Variants in VIT observed in about 807,000 individuals in gnomAD.
The protein encoded by VIT is vitrin.
VIT carries 99 observed loss-of-function variants against 78.0 expected under a neutral mutation model. The observed-to-expected ratio is 1.27, with a 90% CI of 1.08 to 1.50. The LOEUF (loss-of-function observed/expected upper bound fraction) is 1.50. Among genes scored for constraint, VIT ranks in the 40% most tolerant of loss-of-function variants. VIT has a pLI of 0.00. For missense variants in VIT, 1,126 were observed against 875.3 expected, an observed-to-expected ratio of 1.29 and a Z score of -3.61; for synonymous variants, 374 against 334.3, an observed-to-expected ratio of 1.12 and a Z score of -1.29.
At chr2:36,796,114 A>G (rs1261338623) in intron 12 of VIT, among the ~76,000 whole-genome samples, 1 of 20,620 alleles carries the variant, frequency 4.8e-5, no homozygotes, top group Non-Finnish European at 1.6e-4. Context: ...ACTGATTAAA[A>G]AAAAAAAAAA....
chr2:36,757,321 T>C (rs563500707), intron 5 of VIT, among the ~76,000 whole-genome samples: 2 of 152,350 alleles, frequency 1.3e-5, no homozygotes, highest in South Asian at 2.1e-4. Flanking sequence ...AAAGAGGAGA[T>C]GTACGTTTAC....
At chr2:36,809,494 T>C (rs1001624551) in intron 15 of VIT, among the ~76,000 whole-genome samples, 2 of 152,180 alleles carry the variant, frequency 1.3e-5, no homozygotes, top group Non-Finnish European at 2.9e-5. Context: ...CTCCAATCAC[T>C]GCAACCTCTG....
chr2:36,755,080 T>A (rs1382202280), intron 5 of VIT, 26 bp downstream of exon 5: 4 of 1,603,560 alleles, frequency 2.5e-6, no homozygotes, highest in Non-Finnish European at 3.4e-6. Flanking sequence ...GGAGAAACGC[T>A]GCTAAACCTA....
At chr2:36,707,602 G>A (rs1171804919) in intron 1 of VIT, among the ~76,000 whole-genome samples, 1 of 152,180 alleles carries the variant, frequency 6.6e-6, no homozygotes, top group Non-Finnish European at 1.5e-5. Flanking sequence ...CCCGGGAGCT[G>A]TGGATGGACC....
chr2:36,788,323 G>C (rs1464491530), intron 12 of VIT, among the ~76,000 whole-genome samples: 1 of 152,206 alleles, frequency 6.6e-6, no homozygotes, highest in East Asian at 1.9e-4. Flanking sequence ...AACAAAGTTT[G>C]CTCTATCAAA....
At chr2:36,754,142 G>A (rs138614632) in intron 4 of VIT, among the ~76,000 whole-genome samples, 1 of 152,178 alleles carries the variant, frequency 6.6e-6, no homozygotes, top group East Asian at 1.9e-4. Flanking sequence ...GTTGAGGGTT[G>A]AACGTTGTTG....
At chr2:36,705,387 G>GT (rs1192558893) in intron 1 of VIT, among the ~76,000 whole-genome samples, 1 of 152,146 alleles carries the variant, frequency 6.6e-6, no homozygotes, top group Non-Finnish European at 1.5e-5. Flanking sequence ...TGTAATTACT[G>GT]TTTGCAGTGT....
chr2:36,725,577 C>T (rs1438028006), intron 2 of VIT, among the ~76,000 whole-genome samples: 1 of 112,602 alleles, frequency 8.9e-6, no homozygotes, highest in Non-Finnish European at 1.6e-5. Context: ...GTTAGGATGT[C>T]AATGTAGGAA....
At chr2:36,776,041 G>T (rs927539880) in intron 9 of VIT, among the ~76,000 whole-genome samples, 1 of 152,230 alleles carries the variant, frequency 6.6e-6, no homozygotes, top group Non-Finnish European at 1.5e-5. Flanking sequence ...AGTACATCTG[G>T]TCTAACTTCT....
At chr2:36,724,088 G>A (rs1666686511) in intron 2 of VIT, among the ~76,000 whole-genome samples, 1 of 151,250 alleles carries the variant, frequency 6.6e-6, no homozygotes. Flanking sequence ...GTGCGATCTC[G>A]GCTCATTGCA....
chr2:36,802,949 G>A (rs915071326), intron 13 of VIT, among the ~76,000 whole-genome samples: 1 of 152,220 alleles, frequency 6.6e-6, no homozygotes, highest in African/African-American at 2.4e-5. Flanking sequence ...TCCTGCAGAA[G>A]TAGGACCTCC....
chr2:36,755,109 T>C (rs1188513863), intron 5 of VIT, 55 bp downstream of exon 5: 6 of 1,554,794 alleles, frequency 3.9e-6, no homozygotes, highest in Middle Eastern at 1.7e-4. Flanking sequence ...TGAAATGTGC[T>C]CTTTTCATTG....
In VIT at chr2:36,783,378, G is replaced by A; in HGVS notation, c.886G>A (p.Glu296Lys). The A allele has an allele frequency of 6.2e-7, 1 of 1,614,070 alleles. No individual in the cohort carries two copies. The highest frequency in any genetic ancestry group is 8.5e-7 in the Non-Finnish European group (1 of 1,180,022). ...PKEELSTQSL[E>K]PVSLGDPNCK... ...AGAAGAATTGAGCACACAGTCTTTG[G>A]AGCCAGTATCCCTGGGAGATCCAAG... The change falls in exon 11 of 16, where the codon GAG becomes AAG. Residue 296 changes from glutamate (E) to lysine (K), a missense_variant. Transcript: ENST00000379242.
At chr2:36,766,954 T>C in intron 6 of VIT, 140 bp from the exon 7 acceptor site, 1 of 934,420 alleles carries the variant, frequency 1.1e-6, no homozygotes, top group East Asian at 3.3e-5. Flanking sequence ...ATGTGGCTGT[T>C]ACCTGGGTTT....
chr2:36,773,435 A>G (rs1368204853), intron 7 of VIT, among the ~76,000 whole-genome samples: 1 of 152,082 alleles, frequency 6.6e-6, no homozygotes, highest in Non-Finnish European at 1.5e-5. Context: ...TCATAGAAAG[A>G]ATGAAAACAG....
At chr2:36,802,372 G>A (rs1419400591) in intron 13 of VIT, among the ~76,000 whole-genome samples, 2 of 152,212 alleles carry the variant, frequency 1.3e-5, no homozygotes, top group Admixed American at 1.3e-4. Context: ...AAGAAATGGA[G>A]TCATGAGCCA....
rs367569019 is a variant in VIT, at chr2:36,776,629, C to T, written c.802+1562C>T. ...GAGTTTGGCCCACATAGTGAGACCC[C>T]GTCTCTATTAAAAATACAACAATGA... is the stretch of plus-strand genomic sequence containing the variant. On this transcript the variant is annotated intron_variant, in intron 9 of 15. Coordinates refer to ENST00000379242, the MANE Select transcript of VIT (RefSeq NM_053276.4). Among the ~76,000 whole-genome samples the T allele has an allele frequency of 4.2e-3, 635 of 151,788 alleles. 4 individuals carry two copies. Among genetic ancestry groups the T allele is most frequent in the Non-Finnish European group, 6.7e-3 (456 of 67,942 alleles).
chr2:36,792,837 C>T (rs1558577526), intron 12 of VIT, among the ~76,000 whole-genome samples: 2 of 152,186 alleles, frequency 1.3e-5, no homozygotes, highest in African/African-American at 2.4e-5. Context: ...CTCTGCCTTT[C>T]ATTTCCCTTC....
intron 7 of VIT, among the ~76,000 whole-genome samples, chr2:36,767,904 T>C (rs1056113145): frequency 8.5e-5 from 13 of 152,212 alleles, no homozygotes; most frequent in African/African-American, 3.1e-4. Flanking sequence ...TCCAGAACTT[T>C]TCTAGCAAGG....
Sources: gnomAD v4.1 joint callset for allele counts (sites outside exome capture counted in the v4.1 genomes callset) on GRCh38, gnomAD v4.1.1 for gene constraint, MANE v1.5 for transcripts, NCBI Gene and HGNC (gene_info 2026-07-23, HGNC 2026-07-21) for gene names.